Variants in PDGFB observed in about 807,000 individuals in gnomAD.
The protein encoded by PDGFB is platelet-derived growth factor subunit B.
PDGFB carries 6 observed loss-of-function variants against 29.0 expected under a neutral mutation model. That is an observed-to-expected ratio of 0.21 (90% CI 0.11 to 0.41). The LOEUF (loss-of-function observed/expected upper bound fraction) is 0.41. Ranked by LOEUF, PDGFB falls within the 10% of genes least tolerant of loss-of-function variation. PDGFB has a pLI of 1.00. For missense variants in PDGFB, 299 were observed against 341.8 expected (o/e 0.87, Z 0.99); for synonymous variants, 144 against 140.8 (o/e 1.02, Z -0.16).
At chr22:39,229,138 G>A (rs1373135429) in intron 5 of PDGFB, among the ~76,000 whole-genome samples, 4 of 151,998 alleles carry the variant, frequency 2.6e-5, no homozygotes, top group Non-Finnish European at 5.9e-5. Context: ...GAAAGTTACT[G>A]AAAAAGAACT....
chr22:39,233,554 G>T (rs747498946), intron 2 of PDGFB, 30 bp from the exon 3 acceptor site: 7 of 1,535,892 alleles, frequency 4.6e-6, no homozygotes, highest in Non-Finnish European at 6.2e-6. Context: ...CAGACACCAG[G>T]CGGCCCCACC....
At chr22:39,238,134 C>T (rs1055183836) in intron 1 of PDGFB, among the ~76,000 whole-genome samples, 3 of 152,292 alleles carry the variant, frequency 2.0e-5, no homozygotes, top group South Asian at 2.1e-4. Context: ...TCCAGGCCCA[C>T]GACACATAGG....
intron 1 of PDGFB, among the ~76,000 whole-genome samples, chr22:39,241,569 G>C (rs1454174624): frequency 6.6e-6 from 1 of 152,258 alleles, no homozygotes; most frequent in Non-Finnish European, 1.5e-5. Flanking sequence ...CCAGATACAC[G>C]AGCCCGTGGA....
Position 39,232,218 on chromosome 22 carries a change from T to C in PDGFB, c.251-391A>G, listed in dbSNP as rs572566255. 3.0e-4 allele frequency among the ~76,000 whole-genome samples: 45 copies of C among 152,358 alleles called. No individual in the cohort carries two copies. In the South Asian group the frequency reaches 7.5e-3, roughly 25 times the overall value. On this transcript the variant is annotated intron_variant, in intron 3 of 6. Transcript: ENST00000331163. Reference sequence around the variant, plus strand: ...ACATGTGGTTTTTATGCAGGTACCATATTAGCTCGAAACCACGCGTGCACT... The same window carrying C: ...ACATGTGGTTTTTATGCAGGTACCACATTAGCTCGAAACCACGCGTGCACT...
chr22:39,228,358 G>A (rs1431227851), intron 5 of PDGFB, among the ~76,000 whole-genome samples: 2 of 152,134 alleles, frequency 1.3e-5, no homozygotes. Context: ...GGAGGCTGAG[G>A]TGGGAGGATC....
At chr22:39,236,534 C>A (rs80335362) in intron 1 of PDGFB, among the ~76,000 whole-genome samples, 286 of 152,358 alleles carry the variant, frequency 1.9e-3, no homozygotes, top group African/African-American at 6.7e-3. Flanking sequence ...TGTGCCCAAC[C>A]AAACCCTATT....
At chr22:39,233,360 G>T in intron 3 of PDGFB, 75 bp downstream of exon 3, 1 of 1,142,534 alleles carries the variant, frequency 8.8e-7, no homozygotes, top group Non-Finnish European at 1.3e-6. Context: ...CCCTCCGACT[G>T]GCTGCCCGCC....
rs1932639418 is a variant in PDGFB, at chr22:39,244,157, TG to T, written c.-195del. 1.4e-5 allele frequency: 4 copies of T among 287,054 alleles called. No homozygotes were observed. Among genetic ancestry groups the T allele is most frequent in the African/African-American group, 2.2e-5 (1 of 44,880 alleles). 17.8% of individuals were successfully genotyped at this position (287,054 alleles called of 1,614,324 possible). On this transcript the variant is annotated 5_prime_UTR_variant, in exon 1 of 7. Coordinates refer to ENST00000331163, the MANE Select transcript of PDGFB (RefSeq NM_002608.4). This position sits in a 1 kb window ranked among gnomAD's most constrained non-coding sequence, Gnocchi z 4.5. ...CCGCCCCCGGCCCCGGCTCCGTCGCTGGGGGGCAGGGGAGGACCTGGGCGCA... is the reference window on the plus strand; with the variant it reads ...CCGCCCCCGGCCCCGGCTCCGTCGCTGGGGGCAGGGGAGGACCTGGGCGCA...
intron 3 of PDGFB, among the ~76,000 whole-genome samples, chr22:39,232,415 G>A (rs1356255876): frequency 6.6e-6 from 1 of 152,226 alleles, no homozygotes; most frequent in African/African-American, 2.4e-5. Flanking sequence ...TCCATGTACA[G>A]AGGACAGGAG....
intron 2 of PDGFB, among the ~76,000 whole-genome samples, chr22:39,233,752 C>T (rs1479957276): frequency 6.6e-6 from 1 of 152,194 alleles, no homozygotes; most frequent in Non-Finnish European, 1.5e-5. Context: ...GGCTCTTTAG[C>T]CAACATTTTT....
chr22:39,236,226 G>A (rs866470428), intron 1 of PDGFB, among the ~76,000 whole-genome samples: 1 of 152,238 alleles, frequency 6.6e-6, no homozygotes. Context: ...ACACCTGACA[G>A]CTGAAGACAG....
rs1307467488 is a variant in PDGFB, at chr22:39,224,261, T to C, written c.*1081A>G. The C allele has an allele frequency of 1.3e-5, 2 of 152,212 alleles. No individual in the cohort carries two copies. Among genetic ancestry groups the C allele is most frequent in the Non-Finnish European group, 2.9e-5 (2 of 68,046 alleles). The allele number at this position is 152,212 out of a possible 1,614,324, so 9.4% of individuals were successfully genotyped here. A position where few individuals can be genotyped will look rare whatever the true frequency, so the allele number is the denominator to read the frequency against. ...AGGATCCTTTTCCTCTTTACCTACA[T>C]CTGCCAGAAATTGTCATAATAAATA... On this transcript the variant is annotated 3_prime_UTR_variant, in exon 7 of 7. Transcript: ENST00000331163.
chr22:39,235,017 C>T (rs1425757824), intron 2 of PDGFB, among the ~76,000 whole-genome samples: 1 of 152,196 alleles, frequency 6.6e-6, no homozygotes, highest in Non-Finnish European at 1.5e-5. Context: ...CACCGCCCCC[C>T]AGCACAGGCG....
intron 4 of PDGFB, 87 bp from the exon 5 acceptor site, chr22:39,230,315 G>A: frequency 7.3e-7 from 1 of 1,366,040 alleles, no homozygotes; most frequent in Non-Finnish European, 1.0e-6. Flanking sequence ...TCCCACCCCG[G>A]TGTCCCCTGC....
In PDGFB at chr22:39,233,488, C is replaced by G. The variant is rs190122588; in HGVS notation, c.197G>C (p.Arg66Pro). ...CTCCAGCTCGCCTCCAGAGTGGGAG[C>G]GGGTCATGTTCAGGTCCAACTCGGC... ...DGAELDLNMT[R>P]SHSGGELESL... The change falls in exon 3 of 7, where the codon CGC (arginine) becomes CCC (proline). Residue 66 changes from arginine to proline, a missense_variant. By Grantham distance (103) the Arg-to-Pro change is moderately radical. Coordinates refer to ENST00000331163, the MANE Select transcript of PDGFB (RefSeq NM_002608.4). 1.3e-6 allele frequency: 2 copies of G among 1,595,676 alleles called. No individual in the cohort carries two copies. The highest frequency in any genetic ancestry group is 1.4e-5 in the African/African-American group (1 of 73,464).
chr22:39,231,644 T>C lies in PDGFB; in HGVS notation c.434A>G (p.Gln145Arg), dbSNP rs116555717. The C allele has an allele frequency of 5.0e-5, 79 of 1,577,032 alleles. 1 individual carries two copies. The highest frequency in any genetic ancestry group is 4.4e-4 in the Admixed American group (24 of 54,668). The change falls in exon 4 of 7, where the codon CAG becomes CGG. Residue 145 changes from glutamine (Q) to arginine (R), a missense_variant. Coordinates refer to ENST00000331163, the MANE Select transcript of PDGFB (RefSeq NM_002608.4). This position sits in a 1 kb window ranked among gnomAD's most constrained non-coding sequence, Gnocchi z 4.3. ...NNRNVQCRPT[Q>R]VQLRPVQVRK... is the part of the protein sequence containing the mutation. The stretch of plus-strand genomic sequence containing the variant: ...CACCTGGACAGGTCGCAGCTGCACC[T>C]GGGTGGGGCGGCACTGCACGTTGCG...
chr22:39,239,682 G>T (rs570061371), intron 1 of PDGFB, among the ~76,000 whole-genome samples: 16 of 152,290 alleles, frequency 1.1e-4, no homozygotes, highest in African/African-American at 3.6e-4. Flanking sequence ...GAGGCAGCTG[G>T]GGCAAAGCCA....
In PDGFB at chr22:39,233,955, C is replaced by T. The variant is rs1019999650; in HGVS notation, c.161-431G>A. Among the ~76,000 whole-genome samples the T allele has an allele frequency of 2.0e-5, 3 of 147,854 alleles. No homozygotes were observed. The Admixed American group carries it at 2.2e-4, about 11-fold the overall frequency. On this transcript the variant is annotated intron_variant, in intron 2 of 6. Transcript: ENST00000331163. Reference sequence around the variant, plus strand: ...AGAAGCCCCAGGGGGACCGCATGCCCTGAACACAGCCCCTCTGGAGCCCCG... The same window carrying T: ...AGAAGCCCCAGGGGGACCGCATGCCTTGAACACAGCCCCTCTGGAGCCCCG...
rs1932550917 is a variant in PDGFB, at chr22:39,240,870, C to T, written c.63+3031G>A. On this transcript the variant is annotated intron_variant, in intron 1 of 6. Coordinates refer to ENST00000331163, the MANE Select transcript of PDGFB (RefSeq NM_002608.4). Reference sequence around the variant, plus strand: ...AGGTACTTACGAGGCCCATGATAAACATCTCACCATTCCTGCTCAGTCAGT... The same window carrying T: ...AGGTACTTACGAGGCCCATGATAAATATCTCACCATTCCTGCTCAGTCAGT... 6 of 1,613,364 alleles carry T rather than the reference C, an allele frequency of 3.7e-6. No homozygotes were observed. The Admixed American group carries it at 5.0e-5, about 13-fold the overall frequency.
Sources: allele counts gnomAD v4.1 joint callset (sites outside exome capture counted in the v4.1 genomes callset), GRCh38; gene constraint gnomAD v4.1.1; non-coding constraint Gnocchi (gnomAD v3.1); transcripts MANE v1.5; gene names NCBI Gene and HGNC (gene_info 2026-07-23, HGNC 2026-07-21).